DAPK1: variants seen among roughly 807,000 people sequenced by gnomAD.
DAPK1 encodes the protein death associated protein kinase 1.
Under a neutral mutation model 144.9 loss-of-function variants are expected in DAPK1, and 56 were observed. The ratio of observed to expected loss-of-function variants is 0.39; its 90% confidence interval spans 0.31 to 0.48. The LOEUF (loss-of-function observed/expected upper bound fraction) is 0.48, where lower values mean the gene tolerates loss of function less well. Ranked by LOEUF, DAPK1 falls within the 20% of genes least tolerant of loss-of-function variation. DAPK1 has a pLI of 0.95. For synonymous variants in DAPK1, 690 were observed against 749.0 expected (o/e 0.92, Z 1.29); for missense variants, 1,454 against 1,875.4 (o/e 0.78, Z 4.15).
intron 8 of DAPK1, 92 bp from the exon 9 acceptor site, chr9:87,640,710 T>C: frequency 7.4e-7 from 1 of 1,358,550 alleles, no homozygotes; most frequent in South Asian, 1.2e-5. Flanking sequence ...TTTTCCACAG[T>C]ATCTGCTTGG....
intron 2 of DAPK1, among the ~76,000 whole-genome samples, chr9:87,510,442 GC>G (rs1824792153): frequency 6.6e-6 from 1 of 152,198 alleles, no homozygotes; most frequent in South Asian, 2.1e-4. Flanking sequence ...ATGCGAAATG[GC>G]CCAGCCGGTT....
chr9:87,634,272 C>G (rs982063207), intron 3 of DAPK1, among the ~76,000 whole-genome samples: 1 of 152,208 alleles, frequency 6.6e-6, no homozygotes, highest in Non-Finnish European at 1.5e-5. Flanking sequence ...GTTATGTTCC[C>G]TCATTGATCA....
At chr9:87,658,320 G>A (rs540025442) in intron 18 of DAPK1, among the ~76,000 whole-genome samples, 193 bp downstream of exon 18, 9 of 152,294 alleles carry the variant, frequency 5.9e-5, no homozygotes, top group Admixed American at 1.3e-4. Flanking sequence ...CTTAATGTTC[G>A]TCCTCTTCTC....
intron 2 of DAPK1, among the ~76,000 whole-genome samples, chr9:87,503,604 G>A (rs1002063330): frequency 4.6e-5 from 7 of 152,124 alleles, no homozygotes; most frequent in South Asian, 2.1e-4. Flanking sequence ...CTTAGAAGGC[G>A]CTCAGTAAAT....
At chr9:87,640,977 C>T (rs1002870951) in intron 9 of DAPK1, 130 bp downstream of exon 9, 3 of 899,388 alleles carry the variant, frequency 3.3e-6, no homozygotes, top group Middle Eastern at 2.2e-4. Flanking sequence ...CTATTTGCAT[C>T]GTATCTTAAG....
chr9:87,637,916 C>T (rs1829959166), intron 3 of DAPK1, 27 bp from the exon 4 acceptor site: 4 of 1,609,676 alleles, frequency 2.5e-6, no homozygotes, highest in Non-Finnish European at 3.4e-6. Flanking sequence ...GAGTTGTTAC[C>T]AATAACCTCT....
chr9:87,689,055 C>G (rs1824963903), intron 21 of DAPK1, among the ~76,000 whole-genome samples: 1 of 151,844 alleles, frequency 6.6e-6, no homozygotes, highest in Non-Finnish European at 1.5e-5. Context: ...TTCTAGGATT[C>G]TTATAGTTTT....
intron 2 of DAPK1, among the ~76,000 whole-genome samples, chr9:87,593,556 C>G (rs893153988): frequency 3.3e-5 from 5 of 152,266 alleles, no homozygotes; most frequent in Middle Eastern, 3.4e-3. Context: ...TGGTAATGAC[C>G]TATGCCGTCA....
chr9:87,620,517 G>T (rs1829255111), intron 3 of DAPK1, among the ~76,000 whole-genome samples: 1 of 151,348 alleles, frequency 6.6e-6, no homozygotes, highest in Non-Finnish European at 1.5e-5. Flanking sequence ...TCATGGAAGG[G>T]CAGGGAGAAT....
chr9:87,668,643 A>G lies in DAPK1; in HGVS notation c.1970A>G (p.His657Arg). ...CTTGCTAGATCGGAACAGCACGAGC[A>G]CGTAGCAGGTCTCCTTGCAAGACTT... The part of the protein sequence containing the change: ...EDLARSEQHE[H>R]VAGLLARLRK... The change falls in exon 19 of 26, where the codon CAC becomes CGC. Residue 657 changes from histidine to arginine, a missense_variant. Coordinates refer to ENST00000408954, the MANE Select transcript of DAPK1 (RefSeq NM_004938.4). 1 of 1,466,296 alleles carries G rather than the reference A, an allele frequency of 6.8e-7. No individual in the cohort carries two copies. The highest frequency in any genetic ancestry group is 9.6e-7 in the Non-Finnish European group (1 of 1,044,948). The allele number at this position is 1,466,296 out of a possible 1,614,324, so 90.8% of individuals were successfully genotyped here. A position where few individuals can be genotyped will look rare whatever the true frequency, so the allele number is the denominator to read the frequency against.
intron 19 of DAPK1, among the ~76,000 whole-genome samples, chr9:87,677,827 T>C (rs1824453227): frequency 6.6e-6 from 1 of 152,164 alleles, no homozygotes; most frequent in African/African-American, 2.4e-5. Flanking sequence ...CCAGGGCTGC[T>C]GCGGAAGGCT....
chr9:87,685,340 C>G (rs1277734520), intron 20 of DAPK1, among the ~76,000 whole-genome samples: 2 of 152,182 alleles, frequency 1.3e-5, no homozygotes, highest in Non-Finnish European at 2.9e-5. Flanking sequence ...AGTCTTAACT[C>G]TTTGGTCTTT....
At chr9:87,612,064 C>T (rs1168411664) in intron 3 of DAPK1, among the ~76,000 whole-genome samples, 7 of 152,138 alleles carry the variant, frequency 4.6e-5, no homozygotes, top group Non-Finnish European at 1.0e-4. Context: ...CATCGCGTGG[C>T]AAGAGAGGGC....
chr9:87,637,715 A>G (rs561539505), intron 3 of DAPK1, among the ~76,000 whole-genome samples: 1 of 152,324 alleles, frequency 6.6e-6, no homozygotes, highest in East Asian at 1.9e-4. Flanking sequence ...CTCATTTGTG[A>G]ACACGGAACC....
chr9:87,648,156 T>G (rs1452181306), intron 14 of DAPK1, among the ~76,000 whole-genome samples: 1 of 152,250 alleles, frequency 6.6e-6, no homozygotes, highest in Non-Finnish European at 1.5e-5. Flanking sequence ...TATGGCAGTT[T>G]TCTGGAAGGT....
chr9:87,703,144 A>T lies in DAPK1; in HGVS notation c.2987A>T (p.Gln996Leu), dbSNP rs778795308. 6.8e-6 allele frequency: 11 copies of T among 1,610,826 alleles called. No homozygotes were observed. In the South Asian group the frequency reaches 9.9e-5, roughly 14 times the overall value. The change falls in exon 25 of 26, where the codon CAG becomes CTG. Residue 996 changes from glutamine to leucine, a missense_variant. Physicochemically the swap from Gln to Leu is moderately radical, Grantham distance 113. Coordinates refer to ENST00000408954, the MANE Select transcript of DAPK1 (RefSeq NM_004938.4). Reference sequence around the variant, plus strand: ...CTGCAGCAGTTTGTGTACGACGTGCAGGACCAGCTGAACCCCCTGGCCAGC... The same window carrying T: ...CTGCAGCAGTTTGTGTACGACGTGCTGGACCAGCTGAACCCCCTGGCCAGC... ...MSLQQFVYDV[Q>L]DQLNPLASEE...
Position 87,605,101 on chromosome 9 carries a change from G to A in DAPK1, c.210G>A (p.Glu70=). 1 of 1,614,216 alleles carries A rather than the reference G, an allele frequency of 6.2e-7. No individual in the cohort carries two copies. Among genetic ancestry groups the A allele is most frequent in the Non-Finnish European group, 8.5e-7 (1 of 1,180,050 alleles). Reference sequence around the variant, plus strand: ...AGCGGGAGGTCAGCATCCTGAAGGAGATCCAGCACCCCAATGTCATCACCC... The same window carrying A: ...AGCGGGAGGTCAGCATCCTGAAGGAAATCCAGCACCCCAATGTCATCACCC... ...DIEREVSILK[E]IQHPNVITLH... The change falls in exon 3 of 26, where the codon GAG becomes GAA. Residue 70 remains glutamate, a synonymous_variant. Transcript: ENST00000408954.
chr9:87,681,523 C>G lies in DAPK1; in HGVS notation c.2121C>G (p.Leu707=). Residue 707 remains leucine, a synonymous_variant, in exon 20 of 26, where the codon CTC becomes CTG. Transcript: ENST00000408954. ...GGAAAACCACCCTTGTAGAATCTCT[C>G]AAGTGTGGGCTGCTGAGGAGCTTTT... ...GSGKTTLVES[L]KCGLLRSFFR... The G allele has an allele frequency of 6.2e-7, 1 of 1,611,724 alleles. No homozygotes were observed. The highest frequency in any genetic ancestry group is 8.5e-7 in the Non-Finnish European group (1 of 1,177,818).
intron 2 of DAPK1, among the ~76,000 whole-genome samples, chr9:87,567,900 A>G (rs1409990434): frequency 6.6e-6 from 1 of 152,188 alleles, no homozygotes; most frequent in Non-Finnish European, 1.5e-5. Flanking sequence ...TTTCGTGTTC[A>G]CTTTCAGTTT....
Sources: allele counts gnomAD v4.1 joint callset (sites outside exome capture counted in the v4.1 genomes callset), GRCh38; gene constraint gnomAD v4.1.1; transcripts MANE v1.5; gene names NCBI Gene and HGNC (gene_info 2026-07-23, HGNC 2026-07-21).